Variants in GOLIM4 observed in about 807,000 individuals in gnomAD.
GOLIM4 encodes golgi integral membrane protein 4.
In GOLIM4, 71 loss-of-function variants were observed where a neutral mutation model predicts 107.4. That is an observed-to-expected ratio of 0.66 (90% CI 0.55 to 0.81). The LOEUF (loss-of-function observed/expected upper bound fraction) is 0.81, where lower values mean the gene tolerates loss of function less well. GOLIM4 is among the 30% of genes least tolerant of loss of function. The pLI is 0.00. For synonymous variants in GOLIM4, 327 were observed against 294.8 expected, an observed-to-expected ratio of 1.11 and a Z score of -1.12; for missense variants, 830 against 826.1, an observed-to-expected ratio of 1.00 and a Z score of -0.06.
intron 1 of GOLIM4, among the ~76,000 whole-genome samples, chr3:168,076,189 T>C (rs1721075921): frequency 6.6e-6 from 1 of 152,224 alleles, no homozygotes; most frequent in Admixed American, 6.5e-5. Flanking sequence ...TCATTAAATA[T>C]TACTGACATA....
At chr3:168,084,811 G>T (rs1468294244) in intron 1 of GOLIM4, among the ~76,000 whole-genome samples, 1 of 152,160 alleles carries the variant, frequency 6.6e-6, no homozygotes, top group Non-Finnish European at 1.5e-5. Context: ...TAGAATTTTG[G>T]AATTTAAGAA....
At chr3:168,023,082 G>T (rs1436009760) in intron 14 of GOLIM4, among the ~76,000 whole-genome samples, 4 of 152,056 alleles carry the variant, frequency 2.6e-5, no homozygotes, top group Non-Finnish European at 5.9e-5. Context: ...AATTGAAAAG[G>T]AATCAGTAAA....
At chr3:168,033,011 G>A (rs1393227499) in intron 8 of GOLIM4, among the ~76,000 whole-genome samples, 159 bp from the exon 9 acceptor site, 1 of 152,100 alleles carries the variant, frequency 6.6e-6, no homozygotes, top group East Asian at 1.9e-4. Flanking sequence ...AGTCACTTAA[G>A]TTTCTTACTG....
chr3:168,088,981 C>A (rs1351495069), intron 1 of GOLIM4, among the ~76,000 whole-genome samples: 5 of 152,226 alleles, frequency 3.3e-5, no homozygotes, highest in Non-Finnish European at 7.3e-5. Context: ...GACACCAGTA[C>A]TCTCATTAGA....
At chr3:168,028,201 T>G (rs1718115346) in intron 11 of GOLIM4, among the ~76,000 whole-genome samples, 1 of 152,176 alleles carries the variant, frequency 6.6e-6, no homozygotes, top group African/African-American at 2.4e-5. Flanking sequence ...TCAGAGGAAG[T>G]AGCTGGGCTC....
intron 1 of GOLIM4, among the ~76,000 whole-genome samples, chr3:168,091,628 T>TA (rs1721921393): frequency 6.6e-6 from 1 of 151,962 alleles, no homozygotes; most frequent in African/African-American, 2.4e-5. Context: ...CTGGCAAGAG[T>TA]AAAAGGGATA....
chr3:168,029,655 C>T (rs1254351762), intron 10 of GOLIM4, 125 bp downstream of exon 10: 7 of 1,032,054 alleles, frequency 6.8e-6, no homozygotes, highest in Non-Finnish European at 9.9e-6. Context: ...GCTGTCCTGC[C>T]TTGGCTATTT....
intron 1 of GOLIM4, among the ~76,000 whole-genome samples, chr3:168,072,648 T>A (rs1720890509): frequency 1.3e-5 from 2 of 152,050 alleles, no homozygotes; most frequent in Non-Finnish European, 2.9e-5. Context: ...AAAAGAAAAC[T>A]TTTTGGAGGG....
chr3:168,094,527 AAAG>A (rs909715223), intron 1 of GOLIM4, among the ~76,000 whole-genome samples: 15 of 152,234 alleles, frequency 9.9e-5, no homozygotes, highest in African/African-American at 3.6e-4. Flanking sequence ...TATTAAATTA[AAAG>A]AATAAGAAAT....
rs1577515575 is a variant in GOLIM4 at position 168,029,439 on chromosome 3, A to T, written c.1434-137T>A. 7.1e-6 allele frequency: 4 copies of T among 566,876 alleles called. No individual in the cohort carries two copies. The East Asian group carries it at 1.2e-4, about 17-fold the overall frequency. The allele number at this position is 566,876 out of a possible 1,614,324, so 35.1% of individuals were successfully genotyped here. ...AAGAAGCCATGAAAAATTTTTAAAA[A>T]CCTCTTATGTATGCAATTAGGTATA... is the stretch of plus-strand genomic sequence containing the variant. On this transcript the variant is annotated intron_variant, in intron 10 of 15. Coordinates refer to ENST00000470487, the MANE Select transcript of GOLIM4 (RefSeq NM_014498.5).
rs141452212 is a variant in GOLIM4, at chr3:168,052,118, T to C, written c.188-3753A>G. ...ACTTCTGTGAACTTCAGTTTCCTTG[T>C]ACGGTTTGTGGGGATAATAATAGAT... On this transcript the variant is annotated intron_variant, in intron 1 of 15. Coordinates refer to ENST00000470487, the MANE Select transcript of GOLIM4 (RefSeq NM_014498.5). 1.3e-3 allele frequency among the ~76,000 whole-genome samples: 195 copies of C among 152,320 alleles called. 1 individual carries two copies. The East Asian group carries it at 0.014, about 11-fold the overall frequency.
intron 1 of GOLIM4, among the ~76,000 whole-genome samples, chr3:168,090,058 G>A (rs1721829041): frequency 6.6e-6 from 1 of 152,166 alleles, no homozygotes; most frequent in South Asian, 2.1e-4. Flanking sequence ...GAGAGACAGG[G>A]TGCCTGGCCA....
intron 14 of GOLIM4, among the ~76,000 whole-genome samples, chr3:168,011,542 A>G (rs1717034436): frequency 6.6e-6 from 1 of 151,806 alleles, no homozygotes; most frequent in African/African-American, 2.4e-5. Flanking sequence ...GGAGCCCACC[A>G]CAGCTCAAGG....
intron 1 of GOLIM4, among the ~76,000 whole-genome samples, chr3:168,079,127 TAA>T (rs35232141): frequency 6.6e-6 from 1 of 151,702 alleles, no homozygotes; most frequent in Non-Finnish European, 1.5e-5. Context: ...GCTAGTCCCT[TAA>T]AAAAAAGAGT....
intron 1 of GOLIM4, among the ~76,000 whole-genome samples, chr3:168,086,361 G>T (rs763142129): frequency 3.4e-4 from 52 of 152,066 alleles, no homozygotes; most frequent in Non-Finnish European, 6.2e-4. Context: ...ATTATCAAGA[G>T]AACACATAAG....
intron 1 of GOLIM4, among the ~76,000 whole-genome samples, chr3:168,088,843 A>G (rs945712571): frequency 1.3e-5 from 2 of 152,216 alleles, no homozygotes; most frequent in Admixed American, 1.3e-4. Flanking sequence ...CCCTTTTGGA[A>G]ACTGTCCTTC....
Position 168,044,085 on chromosome 3 carries a change from C to A in GOLIM4, c.367-556G>T, listed in dbSNP as rs1247552399. Among the ~76,000 whole-genome samples the A allele has an allele frequency of 1.1e-4, 17 of 152,182 alleles. 1 individual carries two copies. ...AATGTAATCATGATCTAGATAAACACTACAGTCTCCAAGTGCTTAATGTGA... is the reference window on the plus strand; with the variant it reads ...AATGTAATCATGATCTAGATAAACAATACAGTCTCCAAGTGCTTAATGTGA... On this transcript the variant is annotated intron_variant, in intron 4 of 15. Coordinates refer to ENST00000470487, the MANE Select transcript of GOLIM4 (RefSeq NM_014498.5).
chr3:168,033,458 T>G (rs994260346), intron 8 of GOLIM4, among the ~76,000 whole-genome samples: 16 of 150,704 alleles, frequency 1.1e-4, no homozygotes, highest in Admixed American at 1.3e-4. Context: ...ACACAAAAAA[T>G]TAGCCGGGCG....
intron 1 of GOLIM4, among the ~76,000 whole-genome samples, chr3:168,093,550 T>A (rs1421565419): frequency 6.6e-6 from 1 of 152,210 alleles, no homozygotes; most frequent in Non-Finnish European, 1.5e-5. Flanking sequence ...TGTTATACTA[T>A]TAGACGGTAA....
Sources: allele counts gnomAD v4.1 joint callset (sites outside exome capture counted in the v4.1 genomes callset), GRCh38; gene constraint gnomAD v4.1.1; transcripts MANE v1.5; gene names NCBI Gene and HGNC (gene_info 2026-07-23, HGNC 2026-07-21).